Variants in NEGR1 observed in about 807,000 individuals in gnomAD.
The protein encoded by NEGR1 is IgLON family member 4.
Under a neutral mutation model 40.9 loss-of-function variants are expected in NEGR1, and 10 were observed. The observed-to-expected ratio is 0.24, with a 90% confidence interval of 0.15 to 0.42. NEGR1 has a LOEUF of 0.42. NEGR1 is among the 10% of genes least tolerant of loss of function. NEGR1 has a pLI of 1.00. For synonymous variants in NEGR1, 185 were observed against 166.8 expected (o/e 1.11, Z -0.84); for missense variants, 352 against 438.9 (o/e 0.80, Z 1.77).
intron 1 of NEGR1, among the ~76,000 whole-genome samples, chr1:72,013,075 C>T (rs2100405242): frequency 6.6e-6 from 1 of 151,226 alleles, no homozygotes; most frequent in South Asian, 2.1e-4. Flanking sequence ...GCTTATAAAC[C>T]CTTCAGGGGA....
chr1:72,036,595 G>A (rs1437915692), intron 1 of NEGR1, among the ~76,000 whole-genome samples: 1 of 150,168 alleles, frequency 6.7e-6, no homozygotes, highest in African/African-American at 2.5e-5. Context: ...GGCGGAGGTT[G>A]CAGTGAGCCG....
chr1:71,647,479 T>C (rs978855411), intron 4 of NEGR1, among the ~76,000 whole-genome samples: 1 of 151,918 alleles, frequency 6.6e-6, no homozygotes, highest in East Asian at 1.9e-4. Context: ...AATAGTCATT[T>C]GACCACAAGA....
chr1:71,764,366 T>A (rs1656048420), intron 3 of NEGR1, among the ~76,000 whole-genome samples: 1 of 152,246 alleles, frequency 6.6e-6, no homozygotes, highest in African/African-American at 2.4e-5. Context: ...TGGAATACAT[T>A]CTTAAATAAA....
intron 2 of NEGR1, among the ~76,000 whole-genome samples, chr1:71,856,840 A>G (rs937348269): frequency 1.3e-5 from 2 of 152,054 alleles, no homozygotes; most frequent in Admixed American, 6.6e-5. Context: ...AACAGTGTCA[A>G]CCTCACTAGG....
intron 3 of NEGR1, among the ~76,000 whole-genome samples, chr1:71,764,850 T>C (rs910619563): frequency 6.6e-6 from 1 of 152,116 alleles, no homozygotes; most frequent in African/African-American, 2.4e-5. Context: ...TGATCGAAAA[T>C]CAGAAAAATA....
intron 2 of NEGR1, among the ~76,000 whole-genome samples, chr1:71,929,541 G>A (rs1163480382): frequency 6.6e-6 from 1 of 152,112 alleles, no homozygotes. Context: ...GTCTTGTCAT[G>A]AGCCATTATT....
intron 1 of NEGR1, among the ~76,000 whole-genome samples, chr1:72,117,070 G>A (rs138520396): frequency 6.6e-6 from 1 of 151,698 alleles, no homozygotes; most frequent in Non-Finnish European, 1.5e-5. Flanking sequence ...GGCACTGCAA[G>A]CCATTTTAAG....
chr1:72,281,491 C>G (rs1164410180), intron 1 of NEGR1, among the ~76,000 whole-genome samples: 2 of 151,772 alleles, frequency 1.3e-5, no homozygotes, highest in Non-Finnish European at 2.9e-5. Context: ...AGTGACCATG[C>G]CTGTGTGTGC....
chr1:72,182,507 A>G (rs1652417459), intron 1 of NEGR1, among the ~76,000 whole-genome samples: 1 of 151,950 alleles, frequency 6.6e-6, no homozygotes, highest in Non-Finnish European at 1.5e-5. Context: ...TAAAATAAAT[A>G]CATACAAATA....
intron 1 of NEGR1, among the ~76,000 whole-genome samples, chr1:72,273,617 ATAGAAGTTAATCAAAGAATACTT>A (rs1397532418): frequency 6.6e-6 from 1 of 151,974 alleles, no homozygotes. Context: ...TACACACAAA[ATAGAAGTTAATCAAAGAATACTT>A]TACCTTTATT....
intron 1 of NEGR1, among the ~76,000 whole-genome samples, chr1:72,231,520 C>T (rs1362629154): frequency 6.6e-6 from 1 of 152,140 alleles, no homozygotes; most frequent in Non-Finnish European, 1.5e-5. Context: ...AGTGTACTTA[C>T]AACTATAGTA....
intron 1 of NEGR1, among the ~76,000 whole-genome samples, chr1:72,021,290 G>C (rs948945024): frequency 6.6e-6 from 1 of 151,856 alleles, no homozygotes; most frequent in African/African-American, 2.4e-5. Context: ...ATTTAACTTA[G>C]GAAAAATTAT....
chr1:71,721,753 G>A (rs915253742), intron 3 of NEGR1, among the ~76,000 whole-genome samples: 3 of 152,112 alleles, frequency 2.0e-5, no homozygotes, highest in African/African-American at 4.8e-5. Context: ...ATGGAGAAAC[G>A]TTGAAGTAAA....
chr1:72,177,927 C>T (rs938633433), intron 1 of NEGR1, among the ~76,000 whole-genome samples: 2 of 151,994 alleles, frequency 1.3e-5, no homozygotes, highest in African/African-American at 4.8e-5. Flanking sequence ...AGATGAAGCA[C>T]AGCTGGCTGC....
At chr1:72,280,418 T>C (rs747045177) in intron 1 of NEGR1, among the ~76,000 whole-genome samples, 3 of 152,196 alleles carry the variant, frequency 2.0e-5, no homozygotes, top group Non-Finnish European at 4.4e-5. Flanking sequence ...TGTTGCTTGC[T>C]ACAAAAATAC....
Position 71,884,088 on chromosome 1 carries a change from G to C in NEGR1, c.409+50991C>G, listed in dbSNP as rs1171351568. On this transcript the variant is annotated intron_variant, in intron 2 of 6. Transcript: ENST00000357731. ...TTCTCAGATCAATGAAATCAAATTG[G>C]TCATTTTCTCCAGGGTGCCCTTTAA... is the stretch of plus-strand genomic sequence containing the variant. Among the ~76,000 whole-genome samples the C allele has an allele frequency of 2.6e-5, 4 of 151,962 alleles. No homozygotes were observed. The East Asian group carries it at 7.8e-4, about 30-fold the overall frequency.
At chr1:71,472,702 T>C (rs954991618) in intron 6 of NEGR1, 25 of 152,124 alleles carry the variant, frequency 1.6e-4, no homozygotes, top group African/African-American at 5.5e-4. Context: ...AAACAAAATC[T>C]ACTTTTGCTC....
At chr1:71,990,207 T>G (rs1646437213) in intron 1 of NEGR1, among the ~76,000 whole-genome samples, 1 of 152,206 alleles carries the variant, frequency 6.6e-6, no homozygotes, top group Admixed American at 6.5e-5. Flanking sequence ...CAAAAGTTGT[T>G]GATCTTATGT....
intron 6 of NEGR1, among the ~76,000 whole-genome samples, chr1:71,449,308 A>G (rs1170253056): frequency 6.6e-6 from 1 of 152,264 alleles, no homozygotes; most frequent in Non-Finnish European, 1.5e-5. Flanking sequence ...TACACTGACT[A>G]AAACTATATT....
Sources: gnomAD v4.1 joint callset for allele counts (sites outside exome capture counted in the v4.1 genomes callset) on GRCh38, gnomAD v4.1.1 for gene constraint, MANE v1.5 for transcripts, NCBI Gene and HGNC (gene_info 2026-07-23, HGNC 2026-07-21) for gene names.